MYO1B: variants seen among roughly 807,000 people sequenced by gnomAD.
MYO1B encodes myosin IB.
Under a neutral mutation model 159.7 loss-of-function variants are expected in MYO1B, and 72 were observed. The ratio of observed to expected loss-of-function variants is 0.45; its 90% CI spans 0.37 to 0.55. The LOEUF (loss-of-function observed/expected upper bound fraction) is 0.55. Among genes scored for constraint, MYO1B ranks in the 20% least tolerant of loss-of-function variants. The pLI is 0.00. For synonymous variants in MYO1B, 468 were observed against 473.8 expected (o/e 0.99, Z 0.16); for missense variants, 1,062 against 1,364.8 (o/e 0.78, Z 3.50).
At chr2:191,289,910 CTG>C (rs1688598549) in intron 2 of MYO1B, among the ~76,000 whole-genome samples, 1 of 152,180 alleles carries the variant, frequency 6.6e-6, no homozygotes, top group South Asian at 2.1e-4. Context: ...AATATTCTGA[CTG>C]TTCTGTGTAT....
intron 5 of MYO1B, among the ~76,000 whole-genome samples, chr2:191,344,051 TAAA>T (rs1692400700): frequency 6.6e-6 from 1 of 152,228 alleles, no homozygotes; most frequent in Non-Finnish European, 1.5e-5. Flanking sequence ...GCACCCTGAA[TAAA>T]GTTTCTTTGA....
chr2:191,257,622 G>C (rs571735040), intron 1 of MYO1B, among the ~76,000 whole-genome samples: 1 of 152,270 alleles, frequency 6.6e-6, no homozygotes, highest in East Asian at 1.9e-4. Context: ...TTCCTGCAAA[G>C]TGTGTTTATC....
rs1263522898 is a variant in MYO1B at position 191,283,466 on chromosome 2, C to A, written c.135+6436C>A. On this transcript the variant is annotated intron_variant, in intron 2 of 30. Coordinates refer to ENST00000392318, the MANE Select transcript of MYO1B (RefSeq NM_001130158.3). Reference sequence around the variant, plus strand: ...AAGTTAACTCCTTGGAGACTGTTTTCTTATTGGTTGGTAAAATGATAAATG... The same window carrying A: ...AAGTTAACTCCTTGGAGACTGTTTTATTATTGGTTGGTAAAATGATAAATG... Among the ~76,000 whole-genome samples the A allele has an allele frequency of 2.6e-5, 4 of 152,274 alleles. No homozygotes were observed. In the East Asian group the frequency reaches 7.7e-4, roughly 29 times the overall value.
chr2:191,249,515 G>C (rs1243324748), intron 1 of MYO1B, among the ~76,000 whole-genome samples: 1 of 152,198 alleles, frequency 6.6e-6, no homozygotes, highest in Non-Finnish European at 1.5e-5. Context: ...GCATGAAAAG[G>C]GAATAGCAGT....
At chr2:191,414,813 G>A (rs569803479) in intron 29 of MYO1B, 144 bp downstream of exon 29, 5 of 763,602 alleles carry the variant, frequency 6.5e-6, no homozygotes, top group East Asian at 6.4e-5. Flanking sequence ...TAAAATCTCC[G>A]ACTCAGTTTT....
intron 13 of MYO1B, chr2:191,381,246 A>G (rs906827003): frequency 6.7e-6 from 4 of 592,688 alleles, no homozygotes; most frequent in Non-Finnish European, 9.2e-6. Flanking sequence ...CAAATATTGC[A>G]TCATTTGTGT....
At chr2:191,312,472 A>G (rs556626604) in intron 3 of MYO1B, among the ~76,000 whole-genome samples, 12 of 152,344 alleles carry the variant, frequency 7.9e-5, no homozygotes, top group Admixed American at 5.2e-4. Context: ...TGTCACAACC[A>G]TGACCTTTTA....
At chr2:191,333,172 T>G (rs1242811109) in intron 4 of MYO1B, among the ~76,000 whole-genome samples, 1 of 152,208 alleles carries the variant, frequency 6.6e-6, no homozygotes, top group Non-Finnish European at 1.5e-5. Context: ...TTTCTCCATT[T>G]TTTTCCTTAG....
Position 191,277,003 on chromosome 2 carries a change from G to A in MYO1B, c.108G>A (p.Lys36=), listed in dbSNP as rs956731503. The A allele has an allele frequency of 6.2e-7, 1 of 1,613,948 alleles. No homozygotes were observed. The highest frequency in any genetic ancestry group is 8.5e-7 in the Non-Finnish European group (1 of 1,179,960). ...LNEETFINNL[K]KRFDHSEIYT... ...AGGAGACCTTCATCAACAACCTCAA[G>A]AAGCGCTTTGACCACAGTGAAATAT... Residue 36 remains lysine (K), a synonymous_variant, in exon 2 of 31, where the codon AAG becomes AAA. Transcript: ENST00000392318.
intron 1 of MYO1B, among the ~76,000 whole-genome samples, chr2:191,253,141 A>G (rs1299004129): frequency 1.3e-5 from 2 of 152,206 alleles, no homozygotes; most frequent in South Asian, 2.1e-4. Context: ...TTGGCCAGGT[A>G]CATGTTAGAA....
intron 13 of MYO1B, among the ~76,000 whole-genome samples, chr2:191,378,449 G>A (rs1694847473): frequency 1.3e-5 from 2 of 152,022 alleles, no homozygotes; most frequent in African/African-American, 2.4e-5. Flanking sequence ...GGGGGCAGGG[G>A]GCAGATCTCA....
chr2:191,341,169 T>G (rs933100394), intron 4 of MYO1B, among the ~76,000 whole-genome samples: 1 of 152,146 alleles, frequency 6.6e-6, no homozygotes, highest in Non-Finnish European at 1.5e-5. Context: ...TATATATAAA[T>G]GATTGCTTTA....
At position 191,362,369 on chromosome 2, in the gene MYO1B, C is replaced by T. The variant is rs139382265; in HGVS notation, c.763C>T (p.Arg255Trp). The change falls in exon 9 of 31, where the codon CGG (arginine) becomes TGG (tryptophan). Residue 255 changes from arginine (R) to tryptophan (W), a missense_variant and splice_region_variant. Arg to Trp is a moderately radical substitution (Grantham distance 101). This residue lies in a region of MYO1B where 415 missense variants were observed against 544.0 expected (regional missense o/e 0.76). Coordinates refer to ENST00000392318, the MANE Select transcript of MYO1B (RefSeq NM_001130158.3). ...VDDAANFRTV[R>W]NAMQIVGFMD... ...TGATGCAGCAAATTTTAGAACCGTG[C>T]GGGTAAGATGTAGTACTTTCATCAA... is the stretch of plus-strand genomic sequence containing the variant. 1.6e-5 allele frequency: 25 copies of T among 1,611,754 alleles called. No individual in the cohort carries two copies. Among genetic ancestry groups the T allele is most frequent in the Admixed American group, 6.7e-5 (4 of 59,910 alleles).
At chr2:191,414,001 C>G (rs1402206157) in intron 27 of MYO1B, 47 bp from the exon 28 acceptor site, 8 of 1,544,362 alleles carry the variant, frequency 5.2e-6, no homozygotes, top group Non-Finnish European at 7.0e-6. Flanking sequence ...TTTAGTGGTA[C>G]TTTCATTTGA....
chr2:191,362,397 T>G, intron 9 of MYO1B, 26 bp downstream of exon 9: 1 of 1,569,606 alleles, frequency 6.4e-7, no homozygotes. Flanking sequence ...TTCATCAAGC[T>G]TTAAATTGCA....
Position 191,346,346 on chromosome 2 carries a change from A to G in MYO1B, c.498+64A>G, listed in dbSNP as rs1692563584. 6 of 1,116,770 alleles carry G rather than the reference A, an allele frequency of 5.4e-6. No homozygotes were observed. In the Middle Eastern group the frequency reaches 8.5e-4, roughly 158 times the overall value. 69.2% of individuals were successfully genotyped at this position (1,116,770 alleles called of 1,614,324 possible). On this transcript the variant is annotated intron_variant, in intron 6 of 30. Transcript: ENST00000392318. ...TTAGCTCATGTATGTTTAAACAACC[A>G]GTAGATGTTTAATATTTCTTAATAC... is the stretch of plus-strand genomic sequence containing the variant.
chr2:191,325,750 C>T (rs1026156409), intron 3 of MYO1B, among the ~76,000 whole-genome samples: 11 of 152,092 alleles, frequency 7.2e-5, no homozygotes, highest in Non-Finnish European at 1.6e-4. Flanking sequence ...ACCACTCTGA[C>T]GAACACTCTG....
chr2:191,405,757 T>C lies in MYO1B; in HGVS notation c.2557-2358T>C, dbSNP rs183505641. ...TTAAGATAGTCAGTAAACCATGCTG[T>C]AAGCAGATGTGCTGTCATCCAGGCT... On this transcript the variant is annotated intron_variant, in intron 24 of 30. Coordinates refer to ENST00000392318, the MANE Select transcript of MYO1B (RefSeq NM_001130158.3). Among the ~76,000 whole-genome samples, 287 of 152,394 alleles carry C rather than the reference T, an allele frequency of 1.9e-3. 10 individuals are homozygous for C. The highest frequency in any genetic ancestry group is 0.018 in the Admixed American group (269 of 15,310).
intron 4 of MYO1B, among the ~76,000 whole-genome samples, chr2:191,339,365 C>T (rs918573690): frequency 1.3e-5 from 2 of 152,154 alleles, no homozygotes; most frequent in Non-Finnish European, 2.9e-5. Flanking sequence ...AGTGATGGCT[C>T]AGGACAGCCT....
Sources: gnomAD v4.1 joint callset for allele counts (sites outside exome capture counted in the v4.1 genomes callset) on GRCh38, gnomAD v4.1.1 for gene constraint, gnomAD v4.1.1 regional missense constraint, MANE v1.5 for transcripts, NCBI Gene and HGNC (gene_info 2026-07-23, HGNC 2026-07-21) for gene names.